Variants in DNAH12 observed in about 807,000 individuals in gnomAD.
DNAH12 encodes axonemal beta dynein heavy chain 12.
DNAH12 carries 285 observed loss-of-function variants against 371.5 expected under a neutral mutation model. That is an observed-to-expected ratio of 0.77 (90% CI 0.70 to 0.85). DNAH12 has a LOEUF of 0.85. Ranked by LOEUF, DNAH12 falls within the 40% of genes least tolerant of loss-of-function variation. The probability of loss-of-function intolerance (pLI) is 0.00; values close to 1 mark genes in which losing one functional copy is unlikely to be tolerated. For missense variants in DNAH12, 3,611 were observed against 3,689.4 expected (o/e 0.98, Z 0.55); for synonymous variants, 1,200 against 1,213.0 (o/e 0.99, Z 0.22).
Position 57,471,595 on chromosome 3 carries a change from A to T in DNAH12, c.1788T>A (p.Asn596Lys). Residue 596 changes from asparagine (N) to lysine (K), a missense_variant, in exon 15 of 74, where the codon AAT becomes AAA. Asn to Lys is a moderately conservative substitution (Grantham distance 94). Coordinates refer to ENST00000495027, the MANE Select transcript of DNAH12 (RefSeq NM_001366028.2). ...GTTCATTTTCTTTTTTATGTTTAGC[A>T]TTCTCAATTAGCTTTTTAAAAGACA... ...IFDENDELIENAKHKKENELM... is the reference protein window; with the variant it reads ...IFDENDELIEKAKHKKENELM... The T allele has an allele frequency of 1.3e-6, 2 of 1,536,836 alleles. No homozygotes were observed. The highest frequency in any genetic ancestry group is 1.7e-6 in the Non-Finnish European group (2 of 1,142,864).
intron 43 of DNAH12, among the ~76,000 whole-genome samples, chr3:57,397,370 C>T (rs2063766073): frequency 6.6e-6 from 1 of 152,212 alleles, no homozygotes; most frequent in Non-Finnish European, 1.5e-5. Flanking sequence ...CCTCCCCCAG[C>T]TGGGCACAGT....
chr3:57,519,944 T>C, intron 4 of DNAH12: 1 of 885,148 alleles, frequency 1.1e-6, no homozygotes, highest in Non-Finnish European at 1.9e-6. Context: ...CCTCCCGACT[T>C]GGAGCCTGCG....
In DNAH12 at chr3:57,503,954, A is replaced by T. The variant is rs115240527; in HGVS notation, c.1086+62T>A. The T allele has an allele frequency of 1.3e-3, 1,751 of 1,350,676 alleles. 29 individuals are homozygous for T. In the African/African-American group the frequency reaches 0.023, roughly 17 times the overall value. The allele number at this position is 1,350,676 out of a possible 1,614,324, so 83.7% of individuals were successfully genotyped here. ...GTCATAACATTGTATGTACACATACACTGCATAGAGATTCAATTCAAATAA... is the reference window on the plus strand; with the variant it reads ...GTCATAACATTGTATGTACACATACTCTGCATAGAGATTCAATTCAAATAA... On this transcript the variant is annotated intron_variant, in intron 9 of 73. Coordinates refer to ENST00000495027, the MANE Select transcript of DNAH12 (RefSeq NM_001366028.2).
intron 70 of DNAH12, among the ~76,000 whole-genome samples, chr3:57,300,130 C>G (rs1226803725): frequency 6.6e-6 from 1 of 152,182 alleles, no homozygotes; most frequent in Admixed American, 6.5e-5. Context: ...AGCCTCTTCT[C>G]TGCTGTGCTG....
chr3:57,358,092 G>A (rs1483010676), intron 58 of DNAH12, among the ~76,000 whole-genome samples: 1 of 152,158 alleles, frequency 6.6e-6, no homozygotes, highest in African/African-American at 2.4e-5. Flanking sequence ...AGACTCTGAT[G>A]AATGGTATGC....
intron 2 of DNAH12, among the ~76,000 whole-genome samples, chr3:57,534,409 A>G (rs900667145): frequency 2.7e-5 from 4 of 150,746 alleles, no homozygotes; most frequent in Admixed American, 6.6e-5. Flanking sequence ...GTTGAGGGGT[A>G]TGTTCAGTGG....
intron 57 of DNAH12, among the ~76,000 whole-genome samples, chr3:57,364,929 C>T (rs1472079377): frequency 6.6e-6 from 1 of 152,210 alleles, no homozygotes; most frequent in African/African-American, 2.4e-5. Context: ...CATCTTATGC[C>T]AGTCAGAATG....
At chr3:57,511,935 C>A (rs1472784823) in intron 4 of DNAH12, among the ~76,000 whole-genome samples, 1 of 151,896 alleles carries the variant, frequency 6.6e-6, no homozygotes, top group Non-Finnish European at 1.5e-5. Context: ...TTAACTTAAA[C>A]AATGAAACTA....
intron 58 of DNAH12, among the ~76,000 whole-genome samples, chr3:57,361,564 A>T (rs1290700236): frequency 6.6e-6 from 1 of 150,708 alleles, no homozygotes; most frequent in African/African-American, 2.5e-5. Context: ...CTCAACTCTT[A>T]TACCTGTCTT....
intron 72 of DNAH12, among the ~76,000 whole-genome samples, 175 bp from the exon 73 acceptor site, chr3:57,295,767 CAAT>C (rs1344639255): frequency 6.6e-6 from 1 of 152,028 alleles, no homozygotes; most frequent in African/African-American, 2.4e-5. Flanking sequence ...AAACAAAAGA[CAAT>C]GATGGAAAGG....
rs1411379635 is a variant in DNAH12 at position 57,501,314 on chromosome 3, C to T, written c.1335+7G>A. 19 of 1,595,198 alleles carry T rather than the reference C, an allele frequency of 1.2e-5. No homozygotes were observed. In the East Asian group the frequency reaches 1.6e-4, roughly 13 times the overall value. ...AACGCATTAATAAAAACAGAATTAC[C>T]GCTTACCTCTGTATATTCATCAAAA... On this transcript the variant is annotated splice_region_variant and intron_variant, in intron 11 of 73. Transcript: ENST00000495027.
chr3:57,428,720 C>G lies in DNAH12; in HGVS notation c.5166G>C (p.Leu1722=), dbSNP rs991415707. The change falls in exon 34 of 74, where the codon CTG becomes CTC. Residue 1722 remains leucine, a synonymous_variant. Transcript: ENST00000495027. ...GAAGAGCTTGATATTCTGGTTCACA[C>G]AGAGGTCCTTTCAGTGAATTCAACC... ...SSWLNSLKGP[L]CEPEYQALLR... 1.3e-6 allele frequency: 2 copies of G among 1,551,586 alleles called. No individual in the cohort carries two copies. Among genetic ancestry groups the G allele is most frequent in the African/African-American group, 2.7e-5 (2 of 73,164 alleles).
chr3:57,313,664 G>A (rs1171565383), intron 66 of DNAH12, among the ~76,000 whole-genome samples: 1 of 151,968 alleles, frequency 6.6e-6, no homozygotes, highest in Non-Finnish European at 1.5e-5. Flanking sequence ...AAACTTATCT[G>A]GGCATGGTGG....
intron 39 of DNAH12, 149 bp downstream of exon 39, chr3:57,413,597 G>A (rs76150768): frequency 2.4e-4 from 212 of 871,796 alleles, no homozygotes; most frequent in East Asian, 8.8e-4. Context: ...TAGTCTTTTC[G>A]AAATATATTA....
chr3:57,303,135 C>A (rs979535010), intron 69 of DNAH12, among the ~76,000 whole-genome samples: 16 of 151,288 alleles, frequency 1.1e-4, no homozygotes, highest in Non-Finnish European at 2.1e-4. Flanking sequence ...GTCAGGAGAT[C>A]GAGACCATCC....
chr3:57,391,707 G>A (rs998136129), intron 45 of DNAH12, among the ~76,000 whole-genome samples, 165 bp downstream of exon 45: 1 of 152,132 alleles, frequency 6.6e-6, no homozygotes, highest in African/African-American at 2.4e-5. Flanking sequence ...TCCTTGTGAG[G>A]ATCATGTAGT....
chr3:57,445,666 C>T (rs2065464905), intron 27 of DNAH12, among the ~76,000 whole-genome samples: 1 of 149,992 alleles, frequency 6.7e-6, no homozygotes, highest in African/African-American at 2.4e-5. Context: ...ATGGATTATG[C>T]TGGGTTTTTT....
chr3:57,520,041 G>A, intron 4 of DNAH12: 2 of 681,352 alleles, frequency 2.9e-6, no homozygotes, highest in Non-Finnish European at 5.1e-6. Context: ...GGCCGACGTT[G>A]GGTTGGGGAA....
intron 29 of DNAH12, among the ~76,000 whole-genome samples, chr3:57,440,299 T>A (rs1047445728): frequency 6.6e-6 from 1 of 152,140 alleles, no homozygotes; most frequent in African/African-American, 2.4e-5. Context: ...AACAGTAGAT[T>A]GAATAAAGCA....
Sources: gnomAD v4.1 joint callset for allele counts (sites outside exome capture counted in the v4.1 genomes callset) on GRCh38, gnomAD v4.1.1 for gene constraint, MANE v1.5 for transcripts, NCBI Gene and HGNC (gene_info 2026-07-23, HGNC 2026-07-21) for gene names.